COG8: variants seen among roughly 807,000 people sequenced by gnomAD.
COG8 encodes the protein component of oligomeric golgi complex 8.
COG8 carries 45 observed loss-of-function variants against 46.5 expected under a neutral mutation model. That is an observed-to-expected ratio of 0.97 (90% CI 0.76 to 1.24). The LOEUF is 1.24. Among genes scored for constraint, COG8 ranks in the 50% most tolerant of loss-of-function variants. The probability of loss-of-function intolerance (pLI) is 0.00; values close to 1 mark genes in which losing one functional copy is unlikely to be tolerated. For synonymous variants in COG8, 407 were observed against 347.8 expected (o/e 1.17, Z -1.90); for missense variants, 793 against 820.8 (o/e 0.97, Z 0.41).
At chr16:69,336,819 T>C in intron 1 of COG8, 107 bp from the exon 2 acceptor site, 1 of 992,824 alleles carries the variant, frequency 1.0e-6, no homozygotes, top group Non-Finnish European at 1.6e-6. Context: ...TCTATCTGAT[T>C]TATTCCTCAC....
intron 5 of COG8, 154 bp downstream of exon 5, chr16:69,330,659 G>A (rs2011744501): frequency 2.9e-6 from 4 of 1,401,292 alleles, no homozygotes; most frequent in African/African-American, 3.0e-5. Flanking sequence ...ACACAGCGAA[G>A]CCGCGACTGG....
intron 2 of COG8, among the ~76,000 whole-genome samples, chr16:69,335,591 C>T (rs1201273849): frequency 6.6e-6 from 1 of 152,146 alleles, no homozygotes; most frequent in African/African-American, 2.4e-5. Context: ...CGTGGGCAGG[C>T]AGGTCACTTG....
intron 5 of COG8, 129 bp from the exon 6 acceptor site, chr16:69,329,308 A>G: frequency 1.0e-6 from 1 of 963,594 alleles, no homozygotes; most frequent in Non-Finnish European, 1.4e-6. Context: ...AAATGTAGAC[A>G]GCAGCTCCTC....
intron 5 of COG8, 37 bp downstream of exon 5, chr16:69,330,776 G>A: frequency 6.7e-7 from 1 of 1,482,394 alleles, no homozygotes; most frequent in Non-Finnish European, 8.9e-7. Flanking sequence ...CCAGGGCGAG[G>A]CAGTCCTGGC....
intron 5 of COG8, 45 bp downstream of exon 5, chr16:69,330,768 A>G: frequency 6.8e-7 from 1 of 1,464,594 alleles, no homozygotes; most frequent in Non-Finnish European, 9.0e-7. Flanking sequence ...CGGACCTTCC[A>G]GGGCGAGGCA....
rs1484863163 is a variant in COG8, at chr16:69,326,483, G to A, written c.*2723C>T. On this transcript the variant is annotated 3_prime_UTR_variant, in exon 6 of 6. Coordinates refer to ENST00000306875, the MANE Select transcript of COG8 (RefSeq NM_032382.5). Reference sequence around the variant, plus strand: ...TAGTTACATTTACTTGAATCAGAACGTTGTTTCCTCATTCCTACTGCTTAA... The same window carrying A: ...TAGTTACATTTACTTGAATCAGAACATTGTTTCCTCATTCCTACTGCTTAA... 6.6e-6 allele frequency: 1 copy of A among 152,216 alleles called. No homozygotes were observed. Among genetic ancestry groups the A allele is most frequent in the Admixed American group, 6.5e-5 (1 of 15,280 alleles). 9.4% of individuals were successfully genotyped at this position (152,216 alleles called of 1,614,324 possible). A position where few individuals can be genotyped will look rare whatever the true frequency, so the allele number is the denominator to read the frequency against.
At position 69,326,447 on chromosome 16, in the gene COG8, A is replaced by G. The variant is rs1357215443; in HGVS notation, c.*2759T>C. On this transcript the variant is annotated 3_prime_UTR_variant, in exon 6 of 6. Transcript: ENST00000306875. ...CTTTAGTGAGCTTACAAGTTTTTAA[A>G]TTTTTACTTCTAGTTACATTTACTT... 2.6e-5 allele frequency: 4 copies of G among 152,198 alleles called. No homozygotes were observed. The highest frequency in any genetic ancestry group is 9.6e-5 in the African/African-American group (4 of 41,452). 9.4% of individuals were successfully genotyped at this position (152,198 alleles called of 1,614,324 possible). A position where few individuals can be genotyped will look rare whatever the true frequency, so the allele number is the denominator to read the frequency against.
chr16:69,338,262 C>T (rs891625734), intron 1 of COG8: 2 of 152,008 alleles, frequency 1.3e-5, no homozygotes, highest in African/African-American at 4.8e-5. Flanking sequence ...TTTATAGAGA[C>T]AGGGTTTTGC....
rs746569478 is a variant in COG8, at chr16:69,339,407, T to C, written c.146A>G (p.Tyr49Cys). The part of the protein sequence containing the change: ...QWRERPDVGR[Y>C]LRELSGSGLE... ...CCCCGAGCCGCTCAACTCCCGGAGG[T>C]AGCGGCCCACATCGGGCCGCTCGCG... Residue 49 changes from tyrosine (Y) to cysteine (C), a missense_variant, in exon 1 of 6, where the codon TAC (tyrosine) becomes TGC (cysteine). Transcript: ENST00000306875. 13 of 1,584,164 alleles carry C rather than the reference T, an allele frequency of 8.2e-6. No individual in the cohort carries two copies. The highest frequency in any genetic ancestry group is 2.2e-5 in the South Asian group (2 of 89,262).
rs764921223 is a variant in COG8, at chr16:69,334,731, C to A, written c.1203G>T (p.Ser401=). 3.1e-6 allele frequency: 5 copies of A among 1,614,010 alleles called. No homozygotes were observed. Among genetic ancestry groups the A allele is most frequent in the Non-Finnish European group, 2.5e-6 (3 of 1,180,046 alleles). ...QEEMNSYMLI[S]APAILGTSNM... ...TACTGGTGCCCAGGATGGCTGGAGC[C>A]GAGATGAGCATGTAGGAGTTCATTT... Residue 401 remains serine (S), a synonymous_variant, in exon 3 of 6, where the codon TCG becomes TCT. Transcript: ENST00000306875.
chr16:69,334,433 C>G (rs1003525334), intron 3 of COG8, 88 bp downstream of exon 3: 1 of 1,163,618 alleles, frequency 8.6e-7, no homozygotes, highest in African/African-American at 1.5e-5. Flanking sequence ...CAGCAGACAC[C>G]GTCAAATAGA....
At chr16:69,337,669 T>G (rs1474446692) in intron 1 of COG8, among the ~76,000 whole-genome samples, 1 of 152,116 alleles carries the variant, frequency 6.6e-6, no homozygotes, top group Non-Finnish European at 1.5e-5. Flanking sequence ...AAAATTAAAC[T>G]TTAATCATGA....
At chr16:69,337,701 G>A (rs1276689930) in intron 1 of COG8, among the ~76,000 whole-genome samples, 1 of 151,812 alleles carries the variant, frequency 6.6e-6, no homozygotes, top group East Asian at 1.9e-4. Context: ...GCAGAACTAG[G>A]GATAATGGAG....
intron 3 of COG8, 137 bp downstream of exon 3, chr16:69,334,384 T>C: frequency 2.5e-6 from 2 of 789,306 alleles, no homozygotes; most frequent in South Asian, 3.0e-5. Flanking sequence ...AGCTTCTCAA[T>C]CAGGAGAACC....
intron 4 of COG8, among the ~76,000 whole-genome samples, chr16:69,332,408 C>G (rs1392482854): frequency 6.6e-6 from 1 of 152,042 alleles, no homozygotes; most frequent in Admixed American, 6.6e-5. Context: ...TGGAATCATA[C>G]GTATGTAGTT....
chr16:69,337,280 C>CAAAA (rs1205833347), intron 1 of COG8, among the ~76,000 whole-genome samples: 1 of 66,048 alleles, frequency 1.5e-5, no homozygotes, highest in Non-Finnish European at 3.4e-5. Flanking sequence ...GACTCCGTCT[C>CAAAA]AAAAAAAAAA....
At chr16:69,335,448 TC>T (rs2012156271) in intron 2 of COG8, 100 bp from the exon 3 acceptor site, 1 of 988,500 alleles carries the variant, frequency 1.0e-6, no homozygotes, top group Admixed American at 2.0e-5. Flanking sequence ...CCCATGGCTT[TC>T]CTGAAATGTG....
chr16:69,330,851 G>A lies in COG8; in HGVS notation c.1827C>T (p.Ser609=). 1 of 1,540,064 alleles carries A rather than the reference G, an allele frequency of 6.5e-7. No homozygotes were observed. ...GRAETQAEPP[S]VGP is the part of the protein sequence containing the mutation. ...CAGGGGACGCCGGCTAGGGCCCCAC[G>A]CTGGGCGGTTCGGCCTGCGTCTCCG... The change falls in exon 5 of 6, where the codon AGC becomes AGT. Residue 609 remains serine, a synonymous_variant. Coordinates refer to ENST00000306875, the MANE Select transcript of COG8 (RefSeq NM_032382.5).
intron 3 of COG8, 99 bp from the exon 4 acceptor site, chr16:69,332,981 C>G: frequency 1.8e-6 from 2 of 1,116,794 alleles, no homozygotes; most frequent in Non-Finnish European, 2.7e-6. Context: ...CTCCAGTTTT[C>G]CTGAACAAAG....
Sources: gnomAD v4.1 joint callset for allele counts (sites outside exome capture counted in the v4.1 genomes callset) on GRCh38, gnomAD v4.1.1 for gene constraint, MANE v1.5 for transcripts, NCBI Gene and HGNC (gene_info 2026-07-23, HGNC 2026-07-21) for gene names.